The following RHPN2 variants were observed in gnomAD, a reference collection of about 807,000 sequenced individuals.
RHPN2 encodes the protein rhophilin Rho GTPase binding protein 2.
A neutral mutation model predicts 79.0 loss-of-function variants in RHPN2; 40 were observed. That is an observed-to-expected ratio of 0.51 (90% CI 0.39 to 0.66). The LOEUF (loss-of-function observed/expected upper bound fraction) is 0.66, where lower values mean the gene tolerates loss of function less well. Among genes scored for constraint, RHPN2 ranks in the 30% least tolerant of loss-of-function variants. The pLI, the probability that RHPN2 is intolerant of heterozygous loss-of-function variation, is 0.00. For missense variants in RHPN2, 686 were observed against 883.5 expected (o/e 0.78, Z 2.83); for synonymous variants, 285 against 363.5 (o/e 0.78, Z 2.46).
intron 3 of RHPN2, among the ~76,000 whole-genome samples, chr19:33,025,106 T>C (rs528367793): frequency 6.6e-6 from 1 of 152,096 alleles, no homozygotes; most frequent in African/African-American, 2.4e-5. Flanking sequence ...AGGGATGGTG[T>C]TGTTGGCTTT....
At chr19:33,060,021 AG>A (rs1972266358) in intron 1 of RHPN2, among the ~76,000 whole-genome samples, 1 of 152,174 alleles carries the variant, frequency 6.6e-6, no homozygotes, top group South Asian at 2.1e-4. Flanking sequence ...GGGCCCATGG[AG>A]TGGGCTCTCT....
rs747204786 is a variant in RHPN2 at position 33,002,890 on chromosome 19, C to T, written c.871G>A (p.Val291Met). 64 of 1,613,812 alleles carry T rather than the reference C, an allele frequency of 4.0e-5. 2 individuals are homozygous for T. The South Asian group carries it at 6.7e-4, about 17-fold the overall frequency. ...CCAGGAAGGCTGATTTTCTCAAACA[C>T]GCTTTCTTGGGCTTGTGCAAGCATC... ...KMMLAQAQESVFEKISLPGIR... is the reference protein window; with the variant it reads ...KMMLAQAQESMFEKISLPGIR... Residue 291 changes from valine to methionine, a missense_variant, in exon 8 of 15, where the codon GTG (valine) becomes ATG (methionine). Val to Met is a conservative substitution (Grantham distance 21). Coordinates refer to ENST00000254260, the MANE Select transcript of RHPN2 (RefSeq NM_033103.5).
At chr19:32,998,505 G>A (rs1157231681) in intron 10 of RHPN2, among the ~76,000 whole-genome samples, 1 of 151,918 alleles carries the variant, frequency 6.6e-6, no homozygotes, top group Non-Finnish European at 1.5e-5. Context: ...ATATTAGCCG[G>A]GCGTGGTGGT....
chr19:32,990,165 G>GAA (rs373722067), intron 14 of RHPN2, among the ~76,000 whole-genome samples: 117,522 of 149,398 alleles, frequency 0.79, 46,988 homozygotes, highest in African/African-American at 0.92. Context: ...AAGAAAGAAA[G>GAA]AGCGAGCCAG....
chr19:33,002,201 G>A, intron 9 of RHPN2, 46 bp downstream of exon 9: 1 of 1,600,380 alleles, frequency 6.2e-7, no homozygotes, highest in South Asian at 1.1e-5. Flanking sequence ...CCCTGGGGCA[G>A]CTGGACCACA....
intron 14 of RHPN2, among the ~76,000 whole-genome samples, chr19:32,986,727 G>C (rs890135681): frequency 1.3e-5 from 2 of 150,936 alleles, no homozygotes; most frequent in African/African-American, 4.9e-5. Context: ...CCAGGAGGCG[G>C]AGGTTGCAGT....
At chr19:33,040,815 A>C (rs1024575898) in intron 2 of RHPN2, among the ~76,000 whole-genome samples, 1 of 152,048 alleles carries the variant, frequency 6.6e-6, no homozygotes, top group African/African-American at 2.4e-5. Flanking sequence ...TTAGCCAGGC[A>C]TGGTGGCACA....
At chr19:33,004,994 A>G (rs1288173771) in intron 7 of RHPN2, among the ~76,000 whole-genome samples, 2 of 151,622 alleles carry the variant, frequency 1.3e-5, no homozygotes, top group African/African-American at 2.4e-5. Flanking sequence ...ACAAAATTCC[A>G]TCACGACAGG....
At chr19:33,004,434 A>C (rs1248168734) in intron 7 of RHPN2, among the ~76,000 whole-genome samples, 1 of 152,178 alleles carries the variant, frequency 6.6e-6, no homozygotes, top group Non-Finnish European at 1.5e-5. Flanking sequence ...TGAACTGCAC[A>C]CTTAAAAATG....
intron 13 of RHPN2, chr19:32,991,414 G>A (rs761574448): frequency 4.0e-6 from 1 of 250,234 alleles, no homozygotes. Flanking sequence ...AACCAAGATC[G>A]CGCCACTGCA....
At chr19:33,042,935 C>T (rs10424774) in intron 2 of RHPN2, among the ~76,000 whole-genome samples, 59,146 of 151,866 alleles carry the variant, frequency 0.39, 15,334 homozygotes, top group African/African-American at 0.71. Flanking sequence ...AAAAATGAGC[C>T]GGGCACGGTG....
intron 14 of RHPN2, among the ~76,000 whole-genome samples, chr19:32,985,129 G>C (rs1371847048): frequency 3.9e-5 from 6 of 151,950 alleles, no homozygotes; most frequent in Non-Finnish European, 5.9e-5. Flanking sequence ...CTCCCAAGTA[G>C]CTGGGATTAC....
In RHPN2 at chr19:33,039,475, G is replaced by A. The variant is rs1265675800; in HGVS notation, c.185+4774C>T. 3.9e-5 allele frequency among the ~76,000 whole-genome samples: 6 copies of A among 152,040 alleles called. No homozygotes were observed. The South Asian group carries it at 8.3e-4, about 21-fold the overall frequency. On this transcript the variant is annotated intron_variant, in intron 2 of 14. Coordinates refer to ENST00000254260, the MANE Select transcript of RHPN2 (RefSeq NM_033103.5). ...AGGTCACAAACTAAACTGAAGGCCCGAGGGACTTGTTCACCTGGCTCTCAG... is the reference window on the plus strand; with the variant it reads ...AGGTCACAAACTAAACTGAAGGCCCAAGGGACTTGTTCACCTGGCTCTCAG...
At chr19:33,024,058 C>A (rs1255133412) in intron 3 of RHPN2, among the ~76,000 whole-genome samples, 4 of 152,154 alleles carry the variant, frequency 2.6e-5, no homozygotes, top group African/African-American at 7.2e-5. Context: ...AGAACCTGAA[C>A]CTTTTGGACA....
chr19:32,984,146 T>C (rs1282164065), intron 14 of RHPN2, among the ~76,000 whole-genome samples: 3 of 152,108 alleles, frequency 2.0e-5, no homozygotes, highest in African/African-American at 4.8e-5. Flanking sequence ...CAGAGCTTGA[T>C]TCCAAGCTTA....
At chr19:33,038,115 C>A (rs558552049) in intron 2 of RHPN2, among the ~76,000 whole-genome samples, 52 of 152,090 alleles carry the variant, frequency 3.4e-4, no homozygotes, top group African/African-American at 1.2e-3. Context: ...CTTTTGGAGG[C>A]CGAGTGGGCG....
chr19:33,044,431 T>G, intron 1 of RHPN2, 67 bp from the exon 2 acceptor site: 1 of 973,192 alleles, frequency 1.0e-6, no homozygotes, highest in Non-Finnish European at 1.7e-6. Flanking sequence ...GGGTTTAATA[T>G]AATGGAAAAT....
At chr19:33,011,525 T>C (rs1049599244) in intron 6 of RHPN2, among the ~76,000 whole-genome samples, 154 bp downstream of exon 6, 9 of 152,160 alleles carry the variant, frequency 5.9e-5, no homozygotes, top group Non-Finnish European at 1.2e-4. Context: ...TACCAATGTA[T>C]TGACATCTTT....
At chr19:32,986,627 C>T (rs1288013287) in intron 14 of RHPN2, among the ~76,000 whole-genome samples, 1 of 151,778 alleles carries the variant, frequency 6.6e-6, no homozygotes, top group Non-Finnish European at 1.5e-5. Context: ...AACCCTGTCT[C>T]CACTAAAAAT....
Sources: allele counts gnomAD v4.1 joint callset (sites outside exome capture counted in the v4.1 genomes callset), GRCh38; gene constraint gnomAD v4.1.1; transcripts MANE v1.5; gene names NCBI Gene and HGNC (gene_info 2026-07-23, HGNC 2026-07-21).